NUB1: variants seen among roughly 807,000 people sequenced by gnomAD.
NUB1 encodes the protein negative regulator of ubiquitin like proteins 1.
Under a neutral mutation model 77.1 loss-of-function variants are expected in NUB1, and 41 were observed. The observed-to-expected ratio is 0.53, with a 90% CI of 0.41 to 0.69. The LOEUF (loss-of-function observed/expected upper bound fraction) is 0.69. NUB1 is among the 30% of genes least tolerant of loss of function. The pLI, the probability that NUB1 is intolerant of heterozygous loss-of-function variation, is 0.00. For missense variants in NUB1, 643 were observed against 743.8 expected (o/e 0.86, Z 1.58); for synonymous variants, 257 against 281.0 (o/e 0.91, Z 0.85).
intron 2 of NUB1, among the ~76,000 whole-genome samples, 192 bp downstream of exon 2, chr7:151,345,658 G>T (rs1368767755): frequency 1.3e-5 from 2 of 152,110 alleles, no homozygotes; most frequent in African/African-American, 4.8e-5. Context: ...ACATGAGGAT[G>T]TTATCTAATT....
chr7:151,350,036 G>A (rs956259676), intron 3 of NUB1, among the ~76,000 whole-genome samples: 1 of 152,234 alleles, frequency 6.6e-6, no homozygotes, highest in Non-Finnish European at 1.5e-5. Context: ...TGTGTCCACC[G>A]GACAGGGGGC....
At chr7:151,344,974 T>C (rs1796430436) in intron 1 of NUB1, among the ~76,000 whole-genome samples, 1 of 151,964 alleles carries the variant, frequency 6.6e-6, no homozygotes, top group African/African-American at 2.4e-5. Context: ...CACTCCAGCC[T>C]GGGCGACAGA....
intron 13 of NUB1, 126 bp downstream of exon 13, chr7:151,376,069 G>C: frequency 1.4e-6 from 1 of 703,438 alleles, no homozygotes; most frequent in East Asian, 2.6e-5. Flanking sequence ...CAGGCTCCAG[G>C]TGTAACCTGC....
intron 4 of NUB1, among the ~76,000 whole-genome samples, chr7:151,351,936 C>CACACACACAT (rs3838706): frequency 6.6e-6 from 1 of 151,686 alleles, no homozygotes; most frequent in African/African-American, 2.4e-5. Context: ...CACACACACA[C>CACACACACAT]GTTTGCCACA....
In NUB1 at chr7:151,376,684, G is replaced by C; in HGVS notation, c.1542G>C (p.Val514=). ...DALVAEAALR[V]FRGNVQLAAQ... ...TCGTGGCCGAAGCTGCGCTGAGAGT[G>C]TTCAGAGGCAACGTCCAGCTGGCCG... The change falls in exon 14 of 15, where the codon GTG becomes GTC. Residue 514 remains valine (V), a synonymous_variant. Coordinates refer to ENST00000568733, the MANE Select transcript of NUB1 (RefSeq NM_001243351.2). The C allele has an allele frequency of 1.2e-6, 2 of 1,611,218 alleles. No individual in the cohort carries two copies. Among genetic ancestry groups the C allele is most frequent in the Non-Finnish European group, 1.7e-6 (2 of 1,178,894 alleles).
chr7:151,344,616 C>T (rs566248634), intron 1 of NUB1, among the ~76,000 whole-genome samples: 9 of 151,996 alleles, frequency 5.9e-5, no homozygotes, highest in South Asian at 4.2e-4. Context: ...CACACCCATC[C>T]GAAAATATTT....
intron 7 of NUB1, 80 bp downstream of exon 7, chr7:151,356,302 G>A: frequency 9.8e-7 from 1 of 1,016,636 alleles, no homozygotes; most frequent in Non-Finnish European, 1.5e-6. Context: ...CTTTATGTTG[G>A]AAGTGTTGTA....
At chr7:151,341,867 T>A in intron 1 of NUB1, 21 bp downstream of exon 1, 1 of 1,494,276 alleles carries the variant, frequency 6.7e-7, no homozygotes, top group South Asian at 1.3e-5. Flanking sequence ...GGCGGCCGAG[T>A]GTCCTCGACC....
At chr7:151,350,381 C>T (rs980654691) in intron 3 of NUB1, among the ~76,000 whole-genome samples, 8 of 152,082 alleles carry the variant, frequency 5.3e-5, no homozygotes, top group African/African-American at 9.7e-5. Context: ...GGTGCCTTCC[C>T]AGGCACTGGC....
chr7:151,374,019 A>T, intron 11 of NUB1, 78 bp from the exon 12 acceptor site: 3 of 1,439,282 alleles, frequency 2.1e-6, no homozygotes, highest in Non-Finnish European at 2.8e-6. Flanking sequence ...AAATGCGGAG[A>T]ATCCTGCAGA....
At chr7:151,346,877 C>A (rs1796526000) in intron 2 of NUB1, among the ~76,000 whole-genome samples, 1 of 152,158 alleles carries the variant, frequency 6.6e-6, no homozygotes, top group South Asian at 2.1e-4. Flanking sequence ...GTAGCTAAGT[C>A]AGACAAAAGT....
intron 2 of NUB1, among the ~76,000 whole-genome samples, chr7:151,345,720 C>A (rs546826689): frequency 6.6e-6 from 1 of 152,266 alleles, no homozygotes; most frequent in African/African-American, 2.4e-5. Context: ...CATTATTTAT[C>A]TGGAACTCAT....
intron 1 of NUB1, among the ~76,000 whole-genome samples, chr7:151,344,940 C>T (rs752877333): frequency 6.6e-5 from 10 of 152,130 alleles, no homozygotes; most frequent in South Asian, 2.1e-4. Flanking sequence ...GCGGAGCTTG[C>T]AGTGAGCCGA....
chr7:151,341,861 G>T lies in NUB1; in HGVS notation c.-3+15G>T. On this transcript the variant is annotated intron_variant, in intron 1 of 14. Transcript: ENST00000568733. ...GCGTGGCGCAGGTGAGGACACGGCGGCCGAGTGTCCTCGACCCCAGCCTCA... is the reference window on the plus strand; with the variant it reads ...GCGTGGCGCAGGTGAGGACACGGCGTCCGAGTGTCCTCGACCCCAGCCTCA... The T allele has an allele frequency of 6.7e-7, 1 of 1,496,624 alleles. No homozygotes were observed. The highest frequency in any genetic ancestry group is 8.8e-7 in the Non-Finnish European group (1 of 1,132,364). The allele number at this position is 1,496,624 out of a possible 1,614,324, so 92.7% of individuals were successfully genotyped here.
intron 12 of NUB1, among the ~76,000 whole-genome samples, chr7:151,375,602 C>A (rs1798179838): frequency 6.6e-6 from 1 of 152,236 alleles, no homozygotes; most frequent in African/African-American, 2.4e-5. Flanking sequence ...CACCTGCTCT[C>A]CATCCCTTCC....
At chr7:151,352,034 AG>A (rs1190368610) in intron 4 of NUB1, 3 of 454,714 alleles carry the variant, frequency 6.6e-6, no homozygotes, top group Non-Finnish European at 1.3e-5. Context: ...CTCCAGGGCT[AG>A]CTAGCGGGTG....
intron 1 of NUB1, among the ~76,000 whole-genome samples, chr7:151,343,875 G>C (rs985292690): frequency 4.6e-5 from 7 of 152,098 alleles, no homozygotes; most frequent in African/African-American, 1.7e-4. Flanking sequence ...AAAATGATCC[G>C]ATCAGTGTTA....
At chr7:151,344,989 G>A (rs550577239) in intron 1 of NUB1, among the ~76,000 whole-genome samples, 10 of 152,242 alleles carry the variant, frequency 6.6e-5, no homozygotes, top group African/African-American at 2.2e-4. Flanking sequence ...GACAGAGCGA[G>A]ACTCCGTCTC....
At chr7:151,362,311 G>A (rs189752402) in intron 8 of NUB1, among the ~76,000 whole-genome samples, 2 of 151,844 alleles carry the variant, frequency 1.3e-5, no homozygotes, top group African/African-American at 2.4e-5. Context: ...GCATATTTTT[G>A]TGTGTGTGTG....
Sources: allele counts gnomAD v4.1 joint callset (sites outside exome capture counted in the v4.1 genomes callset), GRCh38; gene constraint gnomAD v4.1.1; transcripts MANE v1.5; gene names NCBI Gene and HGNC (gene_info 2026-07-23, HGNC 2026-07-21).